The following ABCD3 variants were observed in gnomAD, a reference collection of about 807,000 sequenced individuals.
ABCD3 encodes the protein ATP binding cassette subfamily D member 3, also known as ATP-binding cassette sub-family D member 3.
In ABCD3, 41 loss-of-function variants were observed where a neutral mutation model predicts 105.5. The ratio of observed to expected loss-of-function variants is 0.39; its 90% CI spans 0.30 to 0.50. ABCD3 has a LOEUF of 0.50. ABCD3 is among the 20% of genes least tolerant of loss of function. The pLI is 0.84. For synonymous variants in ABCD3, 258 were observed against 269.0 expected, an observed-to-expected ratio of 0.96 and a Z score of 0.40; for missense variants, 622 against 806.3, an observed-to-expected ratio of 0.77 and a Z score of 2.77.
intron 20 of ABCD3, among the ~76,000 whole-genome samples, chr1:94,502,008 C>A (rs1650123570): frequency 1.3e-5 from 2 of 151,990 alleles, no homozygotes; most frequent in African/African-American, 4.8e-5. Context: ...CTGTCCAGTA[C>A]AGACTTCATA....
At chr1:94,407,699 A>G in the ABCD3 span, among the ~76,000 whole-genome samples, 3 of 152,178 alleles carry the variant, frequency 2.0e-5, no homozygotes, top group Non-Finnish European at 2.9e-5. Flanking sequence ...CTTGGTAGTT[A>G]TTTTATAATC....
intron 1 of ABCD3, among the ~76,000 whole-genome samples, chr1:94,441,239 A>G (rs1660122572): frequency 6.6e-6 from 1 of 152,224 alleles, no homozygotes; most frequent in African/African-American, 2.4e-5. Context: ...ATAAGTATAT[A>G]GATGATTCTT....
intron 21 of ABCD3, among the ~76,000 whole-genome samples, chr1:94,508,264 CTTGT>C (rs1440933994): frequency 2.0e-5 from 3 of 152,168 alleles, no homozygotes; most frequent in African/African-American, 7.2e-5. Flanking sequence ...TTCCCCATTG[CTTGT>C]TTTTCTCAGG....
At chr1:94,513,633 C>T (rs1650788288) in intron 21 of ABCD3, 1 of 151,986 alleles carries the variant, frequency 6.6e-6, no homozygotes, top group African/African-American at 2.4e-5. Context: ...GAAACTAAAC[C>T]AGTGGTTTGG....
At chr1:94,474,625 C>T (rs1332430670) in intron 5 of ABCD3, among the ~76,000 whole-genome samples, 2 of 151,512 alleles carry the variant, frequency 1.3e-5, no homozygotes, top group African/African-American at 2.4e-5. Flanking sequence ...TCAGCAAAGA[C>T]CACTTGAGAA....
chr1:94,411,825 A>G, the ABCD3 span, among the ~76,000 whole-genome samples: 1 of 152,208 alleles, frequency 6.6e-6, no homozygotes, highest in African/African-American at 2.4e-5. Context: ...GGAATGAAGT[A>G]TAGTACTAAT....
the ABCD3 span, among the ~76,000 whole-genome samples, chr1:94,409,920 A>C: frequency 6.6e-6 from 1 of 152,216 alleles, no homozygotes; most frequent in East Asian, 1.9e-4. Flanking sequence ...CTAAGATGGG[A>C]ACGGTGCTAC....
intron 6 of ABCD3, 94 bp from the exon 7 acceptor site, chr1:94,475,520 G>A (rs1236692628): frequency 5.3e-6 from 7 of 1,333,012 alleles, no homozygotes; most frequent in Non-Finnish European, 7.4e-6. Flanking sequence ...TTGTTTCTAT[G>A]TATTTGAGCT....
At chr1:94,488,788 T>A (rs976673912) in intron 13 of ABCD3, among the ~76,000 whole-genome samples, 6 of 151,558 alleles carry the variant, frequency 4.0e-5, no homozygotes, top group African/African-American at 1.5e-4. Context: ...GTATATAAGG[T>A]GCTTCTGTTC....
intron 1 of ABCD3, among the ~76,000 whole-genome samples, chr1:94,442,408 A>G (rs547574943): frequency 1.3e-5 from 2 of 152,278 alleles, no homozygotes; most frequent in East Asian, 1.9e-4. Context: ...AAGTTATGCA[A>G]TGTGCTTTAG....
At chr1:94,510,559 C>T (rs1460732068) in intron 21 of ABCD3, among the ~76,000 whole-genome samples, 1 of 152,094 alleles carries the variant, frequency 6.6e-6, no homozygotes, top group Non-Finnish European at 1.5e-5. Context: ...GACTTTCTGT[C>T]TTGTTGATCT....
intron 3 of ABCD3, among the ~76,000 whole-genome samples, chr1:94,467,187 A>G (rs1648181218): frequency 6.6e-6 from 1 of 152,190 alleles, no homozygotes; most frequent in Non-Finnish European, 1.5e-5. Context: ...ACCATAGTTC[A>G]TATGATTTTA....
chr1:94,474,379 T>C (rs1395237877), intron 5 of ABCD3, among the ~76,000 whole-genome samples: 1 of 152,132 alleles, frequency 6.6e-6, no homozygotes, highest in African/African-American at 2.4e-5. Flanking sequence ...ATAAATTGTT[T>C]AGTCTAAAAT....
intron 1 of ABCD3, among the ~76,000 whole-genome samples, chr1:94,451,883 C>A (rs1647277666): frequency 6.6e-6 from 1 of 152,198 alleles, no homozygotes; most frequent in African/African-American, 2.4e-5. Context: ...CTTCCTCTGT[C>A]TTAAGTTTGT....
At position 94,517,228 on chromosome 1, in the gene ABCD3, TA is replaced by T. The variant is rs4148063; in HGVS notation, c.*110del. Reference sequence around the variant, plus strand: ...AAATAAAGTTGAGCTTAGTTTTTTTTAAAAAAAAAAACAAAGCAACAAATTA... The same window carrying T: ...AAATAAAGTTGAGCTTAGTTTTTTTTAAAAAAAAAACAAAGCAACAAATTA... On this transcript the variant is annotated 3_prime_UTR_variant, in exon 23 of 23. Coordinates refer to ENST00000370214, the MANE Select transcript of ABCD3 (RefSeq NM_002858.4). 3,285 of 774,908 alleles carry T rather than the reference TA, an allele frequency of 4.2e-3. 7 individuals carry two copies. The highest frequency in any genetic ancestry group is 0.011 in the African/African-American group (606 of 54,660). 48.0% of individuals were successfully genotyped at this position (774,908 alleles called of 1,614,324 possible).
chr1:94,455,658 A>G (rs1001551823), intron 1 of ABCD3: 1 of 427,364 alleles, frequency 2.3e-6, no homozygotes, highest in Non-Finnish European at 4.6e-6. Flanking sequence ...GATTAAAGAA[A>G]ATAGGACTTA....
the ABCD3 span, among the ~76,000 whole-genome samples, chr1:94,412,404 T>A: frequency 6.6e-6 from 1 of 152,214 alleles, no homozygotes; most frequent in Non-Finnish European, 1.5e-5. Flanking sequence ...AAACTTTGCA[T>A]ATTCTTCCGC....
At chr1:94,444,878 A>G (rs142328997) in intron 1 of ABCD3, among the ~76,000 whole-genome samples, 5 of 152,314 alleles carry the variant, frequency 3.3e-5, no homozygotes, top group African/African-American at 9.6e-5. Context: ...GATGTTTGCA[A>G]TGGCCACGAT....
chr1:94,449,777 CT>C (rs367738675), intron 1 of ABCD3, among the ~76,000 whole-genome samples: 71 of 152,308 alleles, frequency 4.7e-4, no homozygotes, highest in South Asian at 1.7e-3. Flanking sequence ...CACAGCCACA[CT>C]TATGTTCAGC....
Sources: gnomAD v4.1 joint callset for allele counts (sites outside exome capture counted in the v4.1 genomes callset) on GRCh38, gnomAD v4.1.1 for gene constraint, MANE v1.5 for transcripts, NCBI Gene and HGNC (gene_info 2026-07-23, HGNC 2026-07-21) for gene names.